Variants in PFKFB3 observed in about 807,000 individuals in gnomAD.
The protein encoded by PFKFB3 is 6-phosphofructo-2-kinase/fructose-2,6-biphosphatase 3, also known as 6-phosphofructo-2-kinase/fructose-2,6-bisphosphatase 3.
In PFKFB3, 33 loss-of-function variants were observed where a neutral mutation model predicts 68.0. The ratio of observed to expected loss-of-function variants is 0.49; its 90% CI spans 0.37 to 0.65. The LOEUF is 0.65. Among genes scored for constraint, PFKFB3 ranks in the 30% least tolerant of loss-of-function variants. PFKFB3 has a pLI of 0.00. For missense variants in PFKFB3, 586 were observed against 712.2 expected (o/e 0.82, Z 2.02); for synonymous variants, 315 against 288.2 (o/e 1.09, Z -0.94).
intron 1 of PFKFB3, among the ~76,000 whole-genome samples, chr10:6,193,445 G>A (rs1843085932): frequency 6.6e-6 from 1 of 152,210 alleles, no homozygotes; most frequent in Non-Finnish European, 1.5e-5. Flanking sequence ...CATTAAGCAA[G>A]CATAGATTGA....
chr10:6,163,665 G>A (rs1233247879), intron 1 of PFKFB3, among the ~76,000 whole-genome samples: 1 of 152,046 alleles, frequency 6.6e-6, no homozygotes, highest in Middle Eastern at 3.2e-3. Flanking sequence ...GGCCCCGGGA[G>A]CAGCTGCGGG....
chr10:6,172,344 C>T (rs1334243668), intron 1 of PFKFB3, among the ~76,000 whole-genome samples: 1 of 152,224 alleles, frequency 6.6e-6, no homozygotes, highest in Admixed American at 6.5e-5. Flanking sequence ...AAGCTGGGTG[C>T]AGTTCCTCTG....
rs1342817736 is a variant in PFKFB3, at chr10:6,154,022, G to T, written c.16+9009G>T. On this transcript the variant is annotated intron_variant, in intron 1 of 14. Coordinates refer to the PFKFB3 transcript ENST00000379789. This position sits in a 1 kb window ranked among gnomAD's most constrained non-coding sequence, Gnocchi z 4.6. The stretch of plus-strand genomic sequence containing the variant: ...TTAGCTCAGGAGCATGTCCAAATAG[G>T]GAAGTGCGAGGCAAAGGTCCTGTGG... 1.3e-5 allele frequency among the ~76,000 whole-genome samples: 2 copies of T among 152,134 alleles called. No homozygotes were observed. The highest frequency in any genetic ancestry group is 2.4e-5 in the African/African-American group (1 of 41,424).
chr10:6,226,528 T>C, intron 14 of PFKFB3, 163 bp downstream of exon 14: 1 of 626,540 alleles, frequency 1.6e-6, no homozygotes, highest in Non-Finnish European at 2.7e-6. Flanking sequence ...TGTGGGGGCA[T>C]GTGCACACAC....
At chr10:6,153,280 A>G (rs4237413) in intron 1 of PFKFB3, among the ~76,000 whole-genome samples, 147,550 of 152,328 alleles carry the variant, frequency 0.97, 71,644 homozygotes, top group East Asian at 1. Context: ...ACCCTCATTT[A>G]TGATGCAACT....
the PFKFB3 span, among the ~76,000 whole-genome samples, chr10:6,312,569 T>C: frequency 6.6e-6 from 1 of 152,246 alleles, no homozygotes. Context: ...CTGGCAATTC[T>C]AAACAATGTC....
chr10:6,211,093 C>G (rs1358852597), intron 1 of PFKFB3, among the ~76,000 whole-genome samples: 4 of 152,292 alleles, frequency 2.6e-5, no homozygotes, highest in East Asian at 1.9e-4. Context: ...TCTTACTATG[C>G]GACAGAGCAG....
At chr10:6,270,549 G>T in the PFKFB3 span, among the ~76,000 whole-genome samples, 5 of 152,246 alleles carry the variant, frequency 3.3e-5, no homozygotes, top group East Asian at 5.8e-4. Flanking sequence ...GGCCACAGAG[G>T]CTTTCTTGAA....
chr10:6,160,583 T>G (rs1841939822), intron 1 of PFKFB3, among the ~76,000 whole-genome samples: 1 of 152,038 alleles, frequency 6.6e-6, no homozygotes. Flanking sequence ...CTGGGCATGG[T>G]GGCACGCACC....
At chr10:6,192,247 C>G (rs1843045139) in intron 1 of PFKFB3, among the ~76,000 whole-genome samples, 1 of 151,848 alleles carries the variant, frequency 6.6e-6, no homozygotes, top group South Asian at 2.1e-4. Context: ...CGATGACAGA[C>G]CGTCCCATTC....
the PFKFB3 span, among the ~76,000 whole-genome samples, chr10:6,291,555 CAAA>C: frequency 8.5e-5 from 5 of 59,086 alleles, no homozygotes; most frequent in Non-Finnish European, 7.6e-5. Context: ...GACTCTGTCT[CAAA>C]AAAAAAAAAA....
the PFKFB3 span, among the ~76,000 whole-genome samples, chr10:6,300,725 G>T: frequency 6.6e-6 from 1 of 152,174 alleles, no homozygotes; most frequent in Non-Finnish European, 1.5e-5. Flanking sequence ...AGGCACCGTG[G>T]AAGTCCAGAG....
At chr10:6,190,375 T>TA (rs1464069419) in intron 1 of PFKFB3, among the ~76,000 whole-genome samples, 1 of 152,278 alleles carries the variant, frequency 6.6e-6, no homozygotes, top group Admixed American at 6.5e-5. Context: ...GTTGATATTC[T>TA]ACTCTAAGGA....
At chr10:6,168,692 A>G (rs630204) in intron 1 of PFKFB3, among the ~76,000 whole-genome samples, 94,850 of 152,072 alleles carry the variant, frequency 0.62, 32,194 homozygotes, top group Non-Finnish European at 0.78. Context: ...AGTTTAACGG[A>G]CCAGAAAATG....
chr10:6,279,586 G>A, the PFKFB3 span, among the ~76,000 whole-genome samples: 3 of 152,084 alleles, frequency 2.0e-5, no homozygotes, highest in Non-Finnish European at 4.4e-5. Flanking sequence ...TGTGTGCCTG[G>A]GGTCACGTTT....
upstream of PFKFB3, among the ~76,000 whole-genome samples, chr10:6,200,722 G>T (rs1267785587): frequency 6.7e-6 from 1 of 149,458 alleles, no homozygotes; most frequent in Non-Finnish European, 1.5e-5. Flanking sequence ...CCTTTTGCCT[G>T]CTGCAGAGCA....
At chr10:6,254,943 G>A (rs577703912), downstream of PFKFB3, among the ~76,000 whole-genome samples, 317 of 144,692 alleles carry the variant, frequency 2.2e-3, 19 homozygotes, top group South Asian at 0.064. Flanking sequence ...TCAGCCTCCC[G>A]CGTAGCTGGG....
upstream of PFKFB3, chr10:6,202,343 G>A (rs1261859578): frequency 6.6e-6 from 1 of 152,348 alleles, no homozygotes; most frequent in Non-Finnish European, 1.5e-5. Context: ...GGTGAGGTGG[G>A]AGGATCAGGG....
chr10:6,228,569 C>T lies in PFKFB3; in HGVS notation c.1515+2204C>T, dbSNP rs183733841. On this transcript the variant is annotated intron_variant, in intron 14 of 14. Coordinates refer to ENST00000379775, the MANE Select transcript of PFKFB3 (RefSeq NM_004566.4). The surrounding 1 kb of genome is among the most constrained non-coding windows in gnomAD (Gnocchi z 4.5). ...CCTTATCAGAATCAGATCTTGGTGG[C>T]GAGCTGCATCTGTGCCAGGTGCCAT... Among the ~76,000 whole-genome samples, 13 of 152,220 alleles carry T rather than the reference C, an allele frequency of 8.5e-5. No individual in the cohort carries two copies. The highest frequency in any genetic ancestry group is 3.9e-4 in the East Asian group (2 of 5,164).
Sources: gnomAD v4.1 joint callset for allele counts (sites outside exome capture counted in the v4.1 genomes callset) on GRCh38, gnomAD v4.1.1 for gene constraint, Gnocchi (gnomAD v3.1) non-coding constraint, MANE v1.5 for transcripts, NCBI Gene and HGNC (gene_info 2026-07-23, HGNC 2026-07-21) for gene names.